Variants in ADARB2 observed in about 807,000 individuals in gnomAD.
ADARB2 encodes inactive double-stranded RNA-specific editase B2.
ADARB2 carries 25 observed loss-of-function variants against 62.2 expected under a neutral mutation model. The ratio of observed to expected loss-of-function variants is 0.40; its 90% CI spans 0.29 to 0.56. The LOEUF is 0.56. Ranked by LOEUF, ADARB2 falls within the 20% of genes least tolerant of loss-of-function variation. The pLI is 0.43. For synonymous variants in ADARB2, 572 were observed against 500.8 expected, an observed-to-expected ratio of 1.14 and a Z score of -1.90; for missense variants, 1,071 against 1,077.4, an observed-to-expected ratio of 0.99 and a Z score of 0.08.
chr10:1,534,135 T>C (rs1156593314), intron 1 of ADARB2, among the ~76,000 whole-genome samples: 2 of 144,056 alleles, frequency 1.4e-5, no homozygotes, highest in Admixed American at 1.4e-4. Flanking sequence ...TGCATTGAAA[T>C]AGTTTTTTTT....
intron 1 of ADARB2, among the ~76,000 whole-genome samples, chr10:1,670,786 C>A (rs1287260640): frequency 6.6e-6 from 1 of 152,198 alleles, no homozygotes; most frequent in Non-Finnish European, 1.5e-5. Flanking sequence ...CAGGTTTCTG[C>A]TTCTCAACGC....
chr10:1,317,412 T>C (rs184864145), intron 3 of ADARB2, among the ~76,000 whole-genome samples: 2 of 152,320 alleles, frequency 1.3e-5, no homozygotes, highest in Non-Finnish European at 2.9e-5. Flanking sequence ...TCTTCGTAAG[T>C]TGTTGTACGG....
intron 4 of ADARB2, among the ~76,000 whole-genome samples, chr10:1,247,081 T>C (rs574405508): frequency 4.6e-4 from 70 of 152,328 alleles, no homozygotes; most frequent in African/African-American, 1.6e-3. Flanking sequence ...AGGTATTTTA[T>C]TCTCTTTGAA....
In ADARB2 at chr10:1,635,107, G is replaced by A. The variant is rs1358566399; in HGVS notation, c.100+101944C>T. Among the ~76,000 whole-genome samples, 7 of 152,194 alleles carry A rather than the reference G, an allele frequency of 4.6e-5. No individual in the cohort carries two copies. The East Asian group carries it at 1.3e-3, about 29-fold the overall frequency. On this transcript the variant is annotated intron_variant, in intron 1 of 9. Coordinates refer to ENST00000381312, the MANE Select transcript of ADARB2 (RefSeq NM_018702.4). ...TATAATGTACACTGAAAGAGTCTAT[G>A]GCATTTTTACAATTCCAAATGTATC...
intron 3 of ADARB2, among the ~76,000 whole-genome samples, chr10:1,311,726 C>T (rs1035955981): frequency 7.2e-5 from 11 of 152,196 alleles, no homozygotes; most frequent in African/African-American, 2.7e-4. Context: ...CTTCTGTCTC[C>T]CACTGGGACC....
rs1832636738 is a variant in ADARB2 at position 1,398,711 on chromosome 10, G to A, written c.101-19551C>T. Reference sequence around the variant, plus strand: ...AATTTCAGGTATCAGCATAGATGGAGAAGAGACTTTCGTGCCTCTGACCCT... The same window carrying A: ...AATTTCAGGTATCAGCATAGATGGAAAAGAGACTTTCGTGCCTCTGACCCT... On this transcript the variant is annotated intron_variant, in intron 1 of 9. Coordinates refer to ENST00000381312, the MANE Select transcript of ADARB2 (RefSeq NM_018702.4). The surrounding 1 kb of genome is among the most constrained non-coding windows in gnomAD (Gnocchi z 4.1). Among the ~76,000 whole-genome samples, 1 of 152,214 alleles carries A rather than the reference G, an allele frequency of 6.6e-6. No individual in the cohort carries two copies. The highest frequency in any genetic ancestry group is 1.9e-4 in the East Asian group (1 of 5,192).
At chr10:1,440,720 GT>G (rs1356573924) in intron 1 of ADARB2, among the ~76,000 whole-genome samples, 1 of 152,184 alleles carries the variant, frequency 6.6e-6, no homozygotes, top group Non-Finnish European at 1.5e-5. Context: ...TGAGCCAAGT[GT>G]TAACTGTAAA....
At chr10:1,553,913 C>A (rs774997690) in intron 1 of ADARB2, among the ~76,000 whole-genome samples, 4 of 152,158 alleles carry the variant, frequency 2.6e-5, no homozygotes, top group Non-Finnish European at 5.9e-5. Flanking sequence ...CACTTAGAAC[C>A]GGTAGAATTC....
At chr10:1,622,870 C>T (rs376761996) in intron 1 of ADARB2, among the ~76,000 whole-genome samples, 1 of 152,206 alleles carries the variant, frequency 6.6e-6, no homozygotes, top group African/African-American at 2.4e-5. Context: ...AAAGGCATGT[C>T]AGGGAATGCT....
At chr10:1,658,367 CTCTG>C (rs1452404921) in intron 1 of ADARB2, among the ~76,000 whole-genome samples, 1 of 151,600 alleles carries the variant, frequency 6.6e-6, no homozygotes, top group Non-Finnish European at 1.5e-5. Flanking sequence ...CTCTGTTTTT[CTCTG>C]TCTCTCTGTG....
chr10:1,271,145 G>A (rs1040943745), intron 3 of ADARB2, 76 bp from the exon 4 acceptor site: 21 of 1,200,442 alleles, frequency 1.7e-5, no homozygotes, highest in East Asian at 1.5e-4. Flanking sequence ...TGTCCTCCCC[G>A]TCCTCACAGC....
intron 3 of ADARB2, among the ~76,000 whole-genome samples, chr10:1,338,107 A>C (rs1223876346): frequency 6.6e-6 from 1 of 152,266 alleles, no homozygotes; most frequent in Non-Finnish European, 1.5e-5. Flanking sequence ...AAGCTAGTCC[A>C]TGTGGAAGGA....
At chr10:1,518,893 G>A (rs74121034) in intron 1 of ADARB2, among the ~76,000 whole-genome samples, 4,871 of 151,648 alleles carry the variant, frequency 0.032, 218 homozygotes, top group African/African-American at 0.11. Flanking sequence ...ACATCTGCAT[G>A]TGGTATTGTC....
chr10:1,673,372 A>G (rs1417282862), intron 1 of ADARB2, among the ~76,000 whole-genome samples: 2 of 148,512 alleles, frequency 1.3e-5, no homozygotes, highest in African/African-American at 5.0e-5. Flanking sequence ...GCACTTTGTA[A>G]GTGGGCAACT....
chr10:1,272,654 G>A (rs1236969536), intron 3 of ADARB2, among the ~76,000 whole-genome samples: 1 of 152,194 alleles, frequency 6.6e-6, no homozygotes, highest in Non-Finnish European at 1.5e-5. Context: ...GCAGATGAAA[G>A]GCACCCCGAC....
At chr10:1,556,170 C>T (rs550706187) in intron 1 of ADARB2, among the ~76,000 whole-genome samples, 243 of 152,094 alleles carry the variant, frequency 1.6e-3, no homozygotes, top group Non-Finnish European at 2.7e-3. Context: ...GGCTGGGAAA[C>T]GAGGACACGG....
chr10:1,352,039 C>T (rs112196466), intron 3 of ADARB2, among the ~76,000 whole-genome samples: 1,756 of 151,540 alleles, frequency 0.012, 43 homozygotes, highest in African/African-American at 0.04. Context: ...TTCGCTTTCA[C>T]TTGGACTGAC....
chr10:1,636,460 T>G (rs1213118624), intron 1 of ADARB2, among the ~76,000 whole-genome samples: 1 of 152,104 alleles, frequency 6.6e-6, no homozygotes, highest in Non-Finnish European at 1.5e-5. Flanking sequence ...GAGGCTGCAG[T>G]GAGCTGTGAT....
At chr10:1,688,265 G>C (rs907336841) in intron 1 of ADARB2, among the ~76,000 whole-genome samples, 4 of 152,194 alleles carry the variant, frequency 2.6e-5, no homozygotes, top group African/African-American at 9.7e-5. Flanking sequence ...ACTCAGCCTG[G>C]CTGCACCCTT....
Sources: allele counts gnomAD v4.1 joint callset (sites outside exome capture counted in the v4.1 genomes callset), GRCh38; gene constraint gnomAD v4.1.1; non-coding constraint Gnocchi (gnomAD v3.1); transcripts MANE v1.5; gene names NCBI Gene and HGNC (gene_info 2026-07-23, HGNC 2026-07-21).